The following ZNF347 variants were observed in gnomAD, a reference collection of about 807,000 sequenced individuals.
The protein encoded by ZNF347 is CTD-2620I22.7.
A neutral mutation model predicts 12.9 loss-of-function variants in ZNF347; 19 were observed. The observed-to-expected ratio is 1.47, with a 90% confidence interval of 1.03 to 2.16. ZNF347 has a LOEUF of 2.16. Ranked by LOEUF, ZNF347 falls within the 30% of genes most tolerant of loss-of-function variation. The pLI is 0.00. For missense variants in ZNF347, 1,005 were observed against 990.6 expected (o/e 1.01, Z -0.19); for synonymous variants, 328 against 340.6 (o/e 0.96, Z 0.41).
chr19:53,154,195 G>C (rs185640125), intron 1 of ZNF347, among the ~76,000 whole-genome samples: 1 of 152,192 alleles, frequency 6.6e-6, no homozygotes, highest in Admixed American at 6.5e-5. Flanking sequence ...AGAAACAAAA[G>C]GTAGAGGCTG....
At chr19:53,150,523 G>A (rs1373051180) in intron 2 of ZNF347, among the ~76,000 whole-genome samples, 3 of 151,992 alleles carry the variant, frequency 2.0e-5, no homozygotes, top group African/African-American at 4.8e-5. Context: ...AACCAACACC[G>A]GGTTATCTTT....
chr19:53,140,436 G>A lies in ZNF347; in HGVS notation c.2392C>T (p.Pro798Ser), dbSNP rs374892785. ...TGEKPYECGK[P>S]FSICSSLTTH... The stretch of plus-strand genomic sequence containing the variant: ...GTTAGGCTTGAACAGATACTAAAGG[G>A]TTTCCCACACTCATATGGTTTCTCT... The change falls in exon 5 of 5, where the codon CCC becomes TCC. Residue 798 changes from proline (P) to serine (S), a missense_variant. By Grantham distance (74) the Pro-to-Ser change is moderately conservative. Coordinates refer to ENST00000334197, the MANE Select transcript of ZNF347 (RefSeq NM_032584.3). 3 of 1,613,724 alleles carry A rather than the reference G, an allele frequency of 1.9e-6. No homozygotes were observed. The highest frequency in any genetic ancestry group is 1.7e-6 in the Non-Finnish European group (2 of 1,179,892).
At chr19:53,154,497 G>A (rs1056195324) in intron 1 of ZNF347, among the ~76,000 whole-genome samples, 2 of 151,934 alleles carry the variant, frequency 1.3e-5, no homozygotes, top group African/African-American at 4.8e-5. Context: ...CAATGAGTGC[G>A]GACAGAGAAA....
rs1400198287 is a variant in ZNF347 at position 53,142,028 on chromosome 19, C to A, written c.800G>T (p.Gly267Val). Residue 267 changes from glycine (G) to valine (V), a missense_variant, in exon 5 of 5, where the codon GGC (glycine) becomes GTC (valine). By Grantham distance (109) the Gly-to-Val change is moderately radical. Transcript: ENST00000334197. Reference sequence around the variant, plus strand: ...GTGTGAATTTTGAGGAAAGACCATGCCACATCCATTAGATTTGTAAGGGCT... The same window carrying A: ...GTGTGAATTTTGAGGAAAGACCATGACACATCCATTAGATTTGTAAGGGCT... ...WGSPYKSNGC[G>V]MVFPQNSHLA... 1 of 1,614,072 alleles carries A rather than the reference C, an allele frequency of 6.2e-7. No individual in the cohort carries two copies. Among genetic ancestry groups the A allele is most frequent in the Non-Finnish European group, 8.5e-7 (1 of 1,179,988 alleles).
At chr19:53,153,435 A>T (rs553682446) in intron 2 of ZNF347, among the ~76,000 whole-genome samples, 1 of 152,138 alleles carries the variant, frequency 6.6e-6, no homozygotes, top group Non-Finnish European at 1.5e-5. Context: ...GTGGCCCCTG[A>T]ACAATCCCTG....
chr19:53,150,408 C>A (rs975163747), intron 2 of ZNF347, among the ~76,000 whole-genome samples: 5 of 152,176 alleles, frequency 3.3e-5, no homozygotes, highest in African/African-American at 1.2e-4. Flanking sequence ...TTCCTTAATT[C>A]TGTCTTCTTA....
At position 53,144,136 on chromosome 19, in the gene ZNF347, T is replaced by C. The variant is rs8105051; in HGVS notation, c.272-1580A>G. 7.9e-3 allele frequency among the ~76,000 whole-genome samples: 1,195 copies of C among 151,968 alleles called. 9 individuals carry two copies. The highest frequency in any genetic ancestry group is 0.013 in the Non-Finnish European group (867 of 67,984). On this transcript the variant is annotated intron_variant, in intron 4 of 4. Transcript: ENST00000334197. ...AGTATAAGTCCTTACCTATCAATAATAACATTAAATAGAAATGGACTAAAT... is the reference window on the plus strand; with the variant it reads ...AGTATAAGTCCTTACCTATCAATAACAACATTAAATAGAAATGGACTAAAT...
At chr19:53,156,406 GAAAA>G (rs879355146) in intron 1 of ZNF347, among the ~76,000 whole-genome samples, 1 of 125,062 alleles carries the variant, frequency 8.0e-6, no homozygotes, top group African/African-American at 2.9e-5. Flanking sequence ...GTTTCAAAAA[GAAAA>G]AAAAAAAAAG....
chr19:53,156,740 T>C (rs769058494), intron 1 of ZNF347, among the ~76,000 whole-genome samples: 3 of 152,200 alleles, frequency 2.0e-5, no homozygotes, highest in Non-Finnish European at 4.4e-5. Flanking sequence ...CCCCAGTGTA[T>C]AGCTGGTCGC....
chr19:53,144,365 G>A (rs1000940639), intron 4 of ZNF347, among the ~76,000 whole-genome samples: 1 of 152,120 alleles, frequency 6.6e-6, no homozygotes, highest in Admixed American at 6.5e-5. Context: ...GTCAATAAGT[G>A]TAAAAAGAGA....
rs2090411406 is a variant in ZNF347 at position 53,140,228 on chromosome 19, G to A, written c.*80C>T. ...CATTGCATTTTCAAGGAATCTCTCA[G>A]GCATAAATTCTCTGACGTTGTCAAA... On this transcript the variant is annotated 3_prime_UTR_variant, in exon 5 of 5. Coordinates refer to ENST00000334197, the MANE Select transcript of ZNF347 (RefSeq NM_032584.3). 2.2e-6 allele frequency: 3 copies of A among 1,334,580 alleles called. No individual in the cohort carries two copies. Among genetic ancestry groups the A allele is most frequent in the Non-Finnish European group, 3.1e-6 (3 of 971,496 alleles). 82.7% of individuals were successfully genotyped at this position (1,334,580 alleles called of 1,614,324 possible). A position where few individuals can be genotyped will look rare whatever the true frequency, so the allele number is the denominator to read the frequency against.
chr19:53,153,918 C>T (rs1404058803), intron 1 of ZNF347, 125 bp from the exon 2 acceptor site: 3 of 691,598 alleles, frequency 4.3e-6, no homozygotes, highest in Non-Finnish European at 7.4e-6. Flanking sequence ...GAAGACCTCA[C>T]CCTGTGGAAA....
Position 53,140,088 on chromosome 19 carries a change from TGG to T in ZNF347, c.*218_*219del. The T allele has an allele frequency of 2.1e-6, 1 of 478,998 alleles. No individual in the cohort carries two copies. The highest frequency in any genetic ancestry group is 3.7e-6 in the Non-Finnish European group (1 of 273,902). The allele number at this position is 478,998 out of a possible 1,614,324, so 29.7% of individuals were successfully genotyped here. On this transcript the variant is annotated 3_prime_UTR_variant, in exon 5 of 5. Coordinates refer to ENST00000334197, the MANE Select transcript of ZNF347 (RefSeq NM_032584.3). ...GCTAATTGTGTACTTTTAGTAGAAA[TGG>T]GGTTTCGCCATGTTGGTCAGGCTGG...
intron 4 of ZNF347, among the ~76,000 whole-genome samples, chr19:53,146,135 C>T (rs986175221): frequency 6.6e-6 from 1 of 151,558 alleles, no homozygotes; most frequent in African/African-American, 2.4e-5. Context: ...GCCCCCACGC[C>T]CGGCTAATTT....
chr19:53,155,087 G>A (rs1423003710), intron 1 of ZNF347, among the ~76,000 whole-genome samples: 2 of 151,896 alleles, frequency 1.3e-5, no homozygotes, highest in Non-Finnish European at 2.9e-5. Flanking sequence ...ACAGGCGCGT[G>A]CCACTATGCC....
intron 2 of ZNF347, among the ~76,000 whole-genome samples, chr19:53,150,753 T>C (rs983765892): frequency 6.6e-6 from 1 of 152,214 alleles, no homozygotes; most frequent in African/African-American, 2.4e-5. Flanking sequence ...TACTTACTTA[T>C]TTTTTTGAGA....
Position 53,139,546 on chromosome 19 carries a change from T to C in ZNF347, c.*762A>G, listed in dbSNP as rs1317867874. 1 of 152,208 alleles carries C rather than the reference T, an allele frequency of 6.6e-6. No homozygotes were observed. Among genetic ancestry groups the C allele is most frequent in the Non-Finnish European group, 1.5e-5 (1 of 68,028 alleles). The allele number at this position is 152,208 out of a possible 1,614,324, so 9.4% of individuals were successfully genotyped here. ...TTTATAACCTGAAGGTAAGTAGCCA[T>C]TTCCAAATGTCCTTTGACCTTTGAA... On this transcript the variant is annotated 3_prime_UTR_variant, in exon 5 of 5. Coordinates refer to ENST00000334197, the MANE Select transcript of ZNF347 (RefSeq NM_032584.3).
At chr19:53,153,683 T>A in intron 2 of ZNF347, 50 bp downstream of exon 2, 1 of 1,601,608 alleles carries the variant, frequency 6.2e-7, no homozygotes. Flanking sequence ...AAGAATGACA[T>A]TTCAAGAAGA....
In ZNF347 at chr19:53,153,782, C is replaced by T. The variant is rs2146813551; in HGVS notation, c.-35G>A. 6.2e-7 allele frequency: 1 copy of T among 1,614,010 alleles called. No individual in the cohort carries two copies. Among genetic ancestry groups the T allele is most frequent in the Non-Finnish European group, 8.5e-7 (1 of 1,179,898 alleles). ...GTCTTTCTTTCCTCTTCCTCTTCTT[C>T]AAGGGTTCTTCCTTAGGTAACAGGA... On this transcript the variant is annotated 5_prime_UTR_variant, in exon 2 of 5. Transcript: ENST00000334197.
Sources: allele counts gnomAD v4.1 joint callset (sites outside exome capture counted in the v4.1 genomes callset), GRCh38; gene constraint gnomAD v4.1.1; transcripts MANE v1.5; gene names NCBI Gene and HGNC (gene_info 2026-07-23, HGNC 2026-07-21).